CDADC1: variants seen among roughly 807,000 people sequenced by gnomAD.
CDADC1 encodes dCTP deaminase.
A neutral mutation model predicts 54.9 loss-of-function variants in CDADC1; 39 were observed. That is an observed-to-expected ratio of 0.71 (90% CI 0.55 to 0.93). The LOEUF is 0.93. CDADC1 is among the 40% of genes least tolerant of loss of function. CDADC1 has a pLI of 0.00. For synonymous variants in CDADC1, 186 were observed against 204.0 expected (o/e 0.91, Z 0.75); for missense variants, 518 against 618.8 (o/e 0.84, Z 1.73).
At chr13:49,250,169 G>A (rs1377475691) in intron 2 of CDADC1, among the ~76,000 whole-genome samples, 5 of 152,112 alleles carry the variant, frequency 3.3e-5, no homozygotes, top group Non-Finnish European at 2.9e-5. Context: ...TGTACTCGCT[G>A]AGGTTTCCAA....
At chr13:49,281,854 G>A (rs1315496961) in intron 8 of CDADC1, among the ~76,000 whole-genome samples, 5 of 152,190 alleles carry the variant, frequency 3.3e-5, no homozygotes, top group African/African-American at 4.8e-5. Context: ...GTGCAATGGC[G>A]TGATCTCGGC....
At chr13:49,283,275 A>G (rs144197019) in intron 8 of CDADC1, among the ~76,000 whole-genome samples, 115 of 152,250 alleles carry the variant, frequency 7.6e-4, no homozygotes, top group African/African-American at 2.4e-3. Context: ...AGTTTTTACC[A>G]TTTGTAATAT....
At chr13:49,257,003 C>T (rs375906095) in intron 3 of CDADC1, among the ~76,000 whole-genome samples, 1 of 152,176 alleles carries the variant, frequency 6.6e-6, no homozygotes, top group South Asian at 2.1e-4. Flanking sequence ...AAAATGTTAG[C>T]GAAGTGAGGC....
intron 2 of CDADC1, among the ~76,000 whole-genome samples, chr13:49,250,953 C>T (rs1952415859): frequency 6.6e-6 from 1 of 152,008 alleles, no homozygotes; most frequent in South Asian, 2.1e-4. Context: ...TTTGAAATTC[C>T]TTTATTCCTT....
At chr13:49,248,199 C>T in intron 1 of CDADC1, 80 bp downstream of exon 1, 1 of 1,247,646 alleles carries the variant, frequency 8.0e-7, no homozygotes, top group African/African-American at 1.5e-5. Flanking sequence ...CTCCAGATTC[C>T]TTGTCTGAGC....
At chr13:49,287,480 A>G (rs886618429) in intron 9 of CDADC1, among the ~76,000 whole-genome samples, 3 of 139,192 alleles carry the variant, frequency 2.2e-5, no homozygotes, top group Middle Eastern at 3.6e-3. Flanking sequence ...CTATCTATCT[A>G]TCTATCTATC....
rs1427579372 is a variant in CDADC1 at position 49,266,231 on chromosome 13, T to C, written c.431-1259T>C. 2.0e-5 allele frequency among the ~76,000 whole-genome samples: 3 copies of C among 152,238 alleles called. No individual in the cohort carries two copies. The East Asian group carries it at 5.8e-4, about 29-fold the overall frequency. On this transcript the variant is annotated intron_variant, in intron 4 of 9. Transcript: ENST00000251108. ...AGTACTAGCAAAGGGGTCTCTTTGT[T>C]ATAAACTGTTCATTAATTGACGAAC... is the stretch of plus-strand genomic sequence containing the variant.
At position 49,257,048 on chromosome 13, in the gene CDADC1, A is replaced by G. The variant is rs530216049; in HGVS notation, c.252+1135A>G. On this transcript the variant is annotated intron_variant, in intron 3 of 9. Transcript: ENST00000251108. Reference sequence around the variant, plus strand: ...TTCAGAGCAGCGATTCACTGAAAAGATTCAGTCCTCTGGGAGTTGTGGTAA... The same window carrying G: ...TTCAGAGCAGCGATTCACTGAAAAGGTTCAGTCCTCTGGGAGTTGTGGTAA... Among the ~76,000 whole-genome samples the G allele has an allele frequency of 2.4e-4, 36 of 152,344 alleles. No homozygotes were observed. In the South Asian group the frequency reaches 6.8e-3, roughly 29 times the overall value.
rs1952537653 is a variant in CDADC1, at chr13:49,256,002, C to T, written c.252+89C>T. On this transcript the variant is annotated intron_variant, in intron 3 of 9. Coordinates refer to ENST00000251108, the MANE Select transcript of CDADC1 (RefSeq NM_030911.4). ...TAGAATAAAAGTGCCTCCATTTCTACTATCAAGGGAGTTTTTAAAATACTC... is the reference window on the plus strand; with the variant it reads ...TAGAATAAAAGTGCCTCCATTTCTATTATCAAGGGAGTTTTTAAAATACTC... 6.0e-6 allele frequency: 9 copies of T among 1,501,320 alleles called. No individual in the cohort carries two copies. The East Asian group carries it at 2.2e-4, about 36-fold the overall frequency. The allele number at this position is 1,501,320 out of a possible 1,614,324, so 93.0% of individuals were successfully genotyped here.
chr13:49,260,379 A>G (rs1373244230), intron 4 of CDADC1, among the ~76,000 whole-genome samples: 1 of 152,198 alleles, frequency 6.6e-6, no homozygotes, highest in African/African-American at 2.4e-5. Context: ...CTTCTGTCTC[A>G]TTGCTGTTGT....
chr13:49,287,718 T>C (rs1953564394), intron 9 of CDADC1, among the ~76,000 whole-genome samples: 1 of 152,174 alleles, frequency 6.6e-6, no homozygotes, highest in South Asian at 2.1e-4. Context: ...ACACCTGTAA[T>C]CCCAGTGCTT....
At chr13:49,262,517 T>G (rs1261507372) in intron 4 of CDADC1, among the ~76,000 whole-genome samples, 1 of 152,002 alleles carries the variant, frequency 6.6e-6, no homozygotes, top group Non-Finnish European at 1.5e-5. Flanking sequence ...AACTACTGTT[T>G]CCGTATCTTT....
intron 4 of CDADC1, among the ~76,000 whole-genome samples, chr13:49,265,412 T>C (rs9535181): frequency 0.31 from 46,693 of 152,012 alleles, 7,279 homozygotes; most frequent in East Asian, 0.5. Context: ...AAAATCTCAA[T>C]TGGGCTTTTA....
Position 49,292,173 on chromosome 13 carries a change from G to C in CDADC1, c.*416G>C. 1 of 1,002,682 alleles carries C rather than the reference G, an allele frequency of 1.0e-6. No individual in the cohort carries two copies. Among genetic ancestry groups the C allele is most frequent in the Non-Finnish European group, 1.2e-6 (1 of 839,082 alleles). 62.1% of individuals were successfully genotyped at this position (1,002,682 alleles called of 1,614,324 possible). A position where few individuals can be genotyped will look rare whatever the true frequency, so the allele number is the denominator to read the frequency against. On this transcript the variant is annotated 3_prime_UTR_variant, in exon 10 of 10. Coordinates refer to ENST00000251108, the MANE Select transcript of CDADC1 (RefSeq NM_030911.4). ...GAGTGACAGTTAGTAAACTGCTCCA[G>C]GGAAATAAGTGTCATCTTTTAAGAG...
intron 9 of CDADC1, among the ~76,000 whole-genome samples, chr13:49,289,847 C>T (rs1953647057): frequency 6.6e-6 from 1 of 152,046 alleles, no homozygotes; most frequent in South Asian, 2.1e-4. Flanking sequence ...GAGTTCAAGA[C>T]CAGCCTGGGC....
intron 9 of CDADC1, among the ~76,000 whole-genome samples, chr13:49,290,995 G>C (rs1360170844): frequency 1.3e-5 from 2 of 152,150 alleles, no homozygotes; most frequent in Admixed American, 1.3e-4. Context: ...AGTCAGATAA[G>C]TCCGTCTTCC....
rs935552166 is a variant in CDADC1 at position 49,267,799 on chromosome 13, A to T, written c.740A>T (p.Asn247Ile). The change falls in exon 5 of 10, where the codon AAT becomes ATT. Residue 247 changes from asparagine (N) to isoleucine (I), a missense_variant. By Grantham distance (149) the Asn-to-Ile change is moderately radical. Transcript: ENST00000251108. ...KEYEMLFLVS[N>I]EEMHKQILMT... The stretch of plus-strand genomic sequence containing the variant: ...TATGAAATGTTATTTTTGGTTTCAA[A>T]TGAAGAAATGCATAAGCAAATACTG... 1 of 1,612,908 alleles carries T rather than the reference A, an allele frequency of 6.2e-7. No individual in the cohort carries two copies. Among genetic ancestry groups the T allele is most frequent in the East Asian group, 2.2e-5 (1 of 44,868 alleles).
chr13:49,278,584 C>T, intron 7 of CDADC1, 65 bp downstream of exon 7: 1 of 1,105,378 alleles, frequency 9.0e-7, no homozygotes. Context: ...AATTAATTTT[C>T]TTATAATTGT....
At chr13:49,279,233 G>A (rs1953241413) in intron 7 of CDADC1, among the ~76,000 whole-genome samples, 1 of 152,186 alleles carries the variant, frequency 6.6e-6, no homozygotes, top group Non-Finnish European at 1.5e-5. Flanking sequence ...TAGGGGATAT[G>A]AGACGGCATC....
Sources: allele counts gnomAD v4.1 joint callset (sites outside exome capture counted in the v4.1 genomes callset), GRCh38; gene constraint gnomAD v4.1.1; transcripts MANE v1.5; gene names NCBI Gene and HGNC (gene_info 2026-07-23, HGNC 2026-07-21).